ZAN: variants seen among roughly 807,000 people sequenced by gnomAD.
ZAN encodes the protein zonadhesin (gene/pseudogene).
Under a neutral mutation model 286.2 loss-of-function variants are expected in ZAN, and 260 were observed. The observed-to-expected ratio is 0.91, with a 90% CI of 0.82 to 1.01. ZAN has a LOEUF of 1.01. ZAN is among the 50% of genes least tolerant of loss of function. The probability of loss-of-function intolerance (pLI) is 0.00; values close to 1 mark genes in which losing one functional copy is unlikely to be tolerated. For missense variants in ZAN, 3,410 were observed against 3,639.2 expected, an observed-to-expected ratio of 0.94 and a Z score of 1.62; for synonymous variants, 1,368 against 1,417.5, an observed-to-expected ratio of 0.97 and a Z score of 0.79.
intron 17 of ZAN, 85 bp from the exon 18 acceptor site, chr7:100,759,636 C>T: frequency 2.2e-5 from 29 of 1,312,822 alleles, no homozygotes; most frequent in Middle Eastern, 2.0e-4. Flanking sequence ...CTCATCTCTC[C>T]CTGCGGCGCC....
chr7:100,761,561 G>C (rs1809581427), intron 19 of ZAN, among the ~76,000 whole-genome samples: 1 of 152,098 alleles, frequency 6.6e-6, no homozygotes, highest in African/African-American at 2.4e-5. Flanking sequence ...TTGAACCCAG[G>C]AGTTGGAGGC....
At chr7:100,750,978 G>C in intron 12 of ZAN, 82 bp downstream of exon 12, 1 of 1,504,196 alleles carries the variant, frequency 6.6e-7, no homozygotes, top group Non-Finnish European at 8.9e-7. Flanking sequence ...CAGTGCTGAA[G>C]AGGTGGAAAG....
At position 100,788,080 on chromosome 7, in the gene ZAN, G is replaced by A; in HGVS notation, c.7171G>A (p.Val2391Met). Reference protein sequence around the residue: ...PPRSSIFLQEVITTVYGYKVQ... With the variant: ...PPRSSIFLQEMITTVYGYKVQ... Reference sequence around the variant, plus strand: ...CAGGAGCTCCATCTTCTTGCAGGAAGTGATTACCACCGTCTACGGCTATAA... The same window carrying A: ...CAGGAGCTCCATCTTCTTGCAGGAAATGATTACCACCGTCTACGGCTATAA... Residue 2391 changes from valine (V) to methionine (M), a missense_variant, in exon 38 of 48, where the codon GTG becomes ATG. Coordinates refer to ENST00000613979, the MANE Select transcript of ZAN (RefSeq NM_003386.3). 5 of 1,583,670 alleles carry A rather than the reference G, an allele frequency of 3.2e-6. No homozygotes were observed. Among genetic ancestry groups the A allele is most frequent in the Non-Finnish European group, 4.3e-6 (5 of 1,159,544 alleles).
At chr7:100,789,178 G>A in intron 38 of ZAN, 40 bp from the exon 39 acceptor site, 2 of 1,598,438 alleles carry the variant, frequency 1.3e-6, no homozygotes, top group Non-Finnish European at 1.7e-6. Flanking sequence ...CAGGTCAGGA[G>A]GATTCAGCCC....
At chr7:100,785,945 C>A (rs769083837) in intron 36 of ZAN, 52 bp from the exon 37 acceptor site, 80 of 1,564,730 alleles carry the variant, frequency 5.1e-5, no homozygotes, top group Non-Finnish European at 5.9e-5. Context: ...AGGCGTGAGC[C>A]GCCGCGCCCA....
At position 100,771,837 on chromosome 7, in the gene ZAN, C is replaced by A; in HGVS notation, c.5249-7C>A. On this transcript the variant is annotated splice_polypyrimidine_tract_variant and splice_region_variant and intron_variant, in intron 28 of 47. Transcript: ENST00000613979. ...CCCTGGCTCATCTGCCTTCTCTCTT[C>A]CTGCAGGACCCTTCTCTCAATGTCA... 1 of 1,603,974 alleles carries A rather than the reference C, an allele frequency of 6.2e-7. No homozygotes were observed.
chr7:100,771,200 A>G (rs1000500854), intron 28 of ZAN, among the ~76,000 whole-genome samples: 2 of 152,034 alleles, frequency 1.3e-5, no homozygotes, highest in Non-Finnish European at 2.9e-5. Context: ...TTGCCCTCCT[A>G]AAGTGCTGAG....
chr7:100,757,229 C>T (rs1052395216), intron 15 of ZAN, among the ~76,000 whole-genome samples: 10 of 151,716 alleles, frequency 6.6e-5, no homozygotes, highest in Non-Finnish European at 1.3e-4. Context: ...GGGCTCAACC[C>T]ATCCTCCCAC....
intron 11 of ZAN, 42 bp from the exon 12 acceptor site, chr7:100,750,583 T>A: frequency 6.2e-7 from 1 of 1,604,588 alleles, no homozygotes. Flanking sequence ...TGGCATGTCC[T>A]GTGCAGGCTT....
chr7:100,748,186 T>C lies in ZAN; in HGVS notation c.1073T>C (p.Val358Ala), dbSNP rs1808362882. 6 of 1,613,832 alleles carry C rather than the reference T, an allele frequency of 3.7e-6. No homozygotes were observed. The highest frequency in any genetic ancestry group is 2.7e-5 in the African/African-American group (2 of 74,984). ...AAGACCCCAGAGCCAGCTGTGGCAG[T>C]TGATGCAACCAGCATTGCTCCTTGT... is the stretch of plus-strand genomic sequence containing the variant. ...FGKTPEPAVAVDATSIAPCGE... is the reference protein window; with the variant it reads ...FGKTPEPAVAADATSIAPCGE... The change falls in exon 10 of 48, where the codon GTT (valine) becomes GCT (alanine). Residue 358 changes from valine to alanine, a missense_variant. Physicochemically the swap from Val to Ala is moderately conservative, Grantham distance 64. Coordinates refer to ENST00000613979, the MANE Select transcript of ZAN (RefSeq NM_003386.3).
chr7:100,788,014 G>A lies in ZAN; in HGVS notation c.7105G>A (p.Glu2369Lys). The A allele has an allele frequency of 1.9e-6, 3 of 1,570,622 alleles. No individual in the cohort carries two copies. Among genetic ancestry groups the A allele is most frequent in the South Asian group, 1.2e-5 (1 of 85,812 alleles). The stretch of plus-strand genomic sequence containing the variant: ...TGTGGACGTACTGCCTGAGGGGGTG[G>A]AGCCCCTCCTCGTGGAAGGACGCAA... ...KTVDVLPEGV[E>K]PLLVEGRNKM... is the part of the protein sequence containing the mutation. The change falls in exon 38 of 48, where the codon GAG (glutamate) becomes AAG (lysine). Residue 2369 changes from glutamate to lysine, a missense_variant. Glu to Lys is a moderately conservative substitution (Grantham distance 56). Transcript: ENST00000613979.
At position 100,756,205 on chromosome 7, in the gene ZAN, A is replaced by G. The variant is rs188186929; in HGVS notation, c.3309+795A>G. 7.7e-4 allele frequency among the ~76,000 whole-genome samples: 118 copies of G among 152,318 alleles called. 2 individuals carry two copies. The East Asian group carries it at 0.018, about 23-fold the overall frequency. On this transcript the variant is annotated intron_variant, in intron 15 of 47. Coordinates refer to ENST00000613979, the MANE Select transcript of ZAN (RefSeq NM_003386.3). Reference sequence around the variant, plus strand: ...AAATTAAGTCCTAACACATACAATTACTTAATAAGTGTTAATTATTATCAT... The same window carrying G: ...AAATTAAGTCCTAACACATACAATTGCTTAATAAGTGTTAATTATTATCAT...
chr7:100,737,098 T>A lies in ZAN; in HGVS notation c.525+18T>A. On this transcript the variant is annotated intron_variant, in intron 5 of 47. Transcript: ENST00000613979. ...CCACCCGGGTAAGGCCGGGGACAAA[T>A]TGTGGGACCTCGGGGGGGAGTCTGG... is the stretch of plus-strand genomic sequence containing the variant. 6.7e-7 allele frequency: 1 copy of A among 1,482,454 alleles called. No individual in the cohort carries two copies. Among genetic ancestry groups the A allele is most frequent in the Non-Finnish European group, 9.2e-7 (1 of 1,087,340 alleles). 91.8% of individuals were successfully genotyped at this position (1,482,454 alleles called of 1,614,324 possible). A position where few individuals can be genotyped will look rare whatever the true frequency, so the allele number is the denominator to read the frequency against.
intron 11 of ZAN, 121 bp downstream of exon 11, chr7:100,748,591 G>T: frequency 7.4e-7 from 1 of 1,358,574 alleles, no homozygotes; most frequent in Non-Finnish European, 9.8e-7. Flanking sequence ...GTCCACAGGT[G>T]TTTTTTCGGA....
chr7:100,751,457 G>T (rs528881473), intron 13 of ZAN, among the ~76,000 whole-genome samples, 191 bp downstream of exon 13: 1 of 152,134 alleles, frequency 6.6e-6, no homozygotes, highest in African/African-American at 2.4e-5. Context: ...ATGTGGCTTC[G>T]ATACCATGGA....
At chr7:100,739,258 T>C (rs1807578275) in intron 7 of ZAN, among the ~76,000 whole-genome samples, 1 of 136,264 alleles carries the variant, frequency 7.3e-6, no homozygotes, top group African/African-American at 2.7e-5. Context: ...GTGGTCCACC[T>C]GCCTCAGCCT....
At chr7:100,750,603 C>T (rs765849701) in intron 11 of ZAN, 22 bp from the exon 12 acceptor site, 6 of 1,611,314 alleles carry the variant, frequency 3.7e-6, no homozygotes, top group Admixed American at 1.7e-5. Flanking sequence ...TCTTACCTTG[C>T]CTGTTCCCTT....
At chr7:100,744,705 T>G (rs1808059904) in intron 7 of ZAN, among the ~76,000 whole-genome samples, 1 of 151,536 alleles carries the variant, frequency 6.6e-6, no homozygotes, top group South Asian at 2.1e-4. Context: ...CCTCAGCATT[T>G]AGCACCGTGT....
In ZAN at chr7:100,783,717, C is replaced by T. The variant is rs181729944; in HGVS notation, c.6623-906C>T. Among the ~76,000 whole-genome samples the T allele has an allele frequency of 3.9e-3, 410 of 106,334 alleles. 3 individuals are homozygous for T. The highest frequency in any genetic ancestry group is 9.5e-3 in the South Asian group (29 of 3,040). 69.8% of individuals were successfully genotyped at this position (106,334 alleles called of 152,430 possible). ...CCTGGGTGTCAGAGAGAGACTCCGT[C>T]CCTGCCCGTCCCCCGCAAAAAAAAA... On this transcript the variant is annotated intron_variant, in intron 35 of 47. Coordinates refer to ENST00000613979, the MANE Select transcript of ZAN (RefSeq NM_003386.3).
Sources: allele counts gnomAD v4.1 joint callset (sites outside exome capture counted in the v4.1 genomes callset), GRCh38; gene constraint gnomAD v4.1.1; transcripts MANE v1.5; gene names NCBI Gene and HGNC (gene_info 2026-07-23, HGNC 2026-07-21).